Variants in CXCL16 observed in about 807,000 individuals in gnomAD.
The protein encoded by CXCL16 is C-X-C motif chemokine 16.
In CXCL16, 18 loss-of-function variants were observed where a neutral mutation model predicts 23.8. The observed-to-expected ratio is 0.76, with a 90% CI of 0.52 to 1.12. CXCL16 has a LOEUF of 1.12. CXCL16 is among the 50% of genes most tolerant of loss of function. CXCL16 has a pLI of 0.00. For missense variants in CXCL16, 297 were observed against 315.4 expected (o/e 0.94, Z 0.44); for synonymous variants, 123 against 132.5 (o/e 0.93, Z 0.49).
Position 4,739,058 on chromosome 17 carries a change from C to A in CXCL16, c.80-138G>T, listed in dbSNP as rs1217119377. ...AGAGCGCCAGGCTCAACCCACACAT[C>A]ATCACGCCCCCGACAACATCCATAA... On this transcript the variant is annotated intron_variant, in intron 1 of 5. Coordinates refer to ENST00000293778, the MANE Select transcript of CXCL16 (RefSeq NM_001386809.1). The surrounding 1 kb of genome is among the most constrained non-coding windows in gnomAD (Gnocchi z 5.3). 6.8e-5 allele frequency: 83 copies of A among 1,213,914 alleles called. No individual in the cohort carries two copies. The highest frequency in any genetic ancestry group is 8.6e-5 in the Non-Finnish European group (76 of 879,102). 75.2% of individuals were successfully genotyped at this position (1,213,914 alleles called of 1,614,324 possible).
rs372640806 is a variant in CXCL16, at chr17:4,735,191, G to T, written c.619C>A (p.Pro207Thr). Residue 207 changes from proline (P) to threonine (T), a missense_variant, in exon 4 of 6, where the codon CCA (proline) becomes ACA (threonine). Pro to Thr is a conservative substitution (Grantham distance 38). Coordinates refer to ENST00000293778, the MANE Select transcript of CXCL16 (RefSeq NM_001386809.1). ...ATGATGGCCAGGAGGCACAGGACTGGCACTGTGGCTGATGTCCTGGCTGTG... is the reference window on the plus strand; with the variant it reads ...ATGATGGCCAGGAGGCACAGGACTGTCACTGTGGCTGATGTCCTGGCTGTG... The part of the protein sequence containing the change: ...GPTARTSATV[P>T]VLCLLAIIFI... 5 of 1,614,146 alleles carry T rather than the reference G, an allele frequency of 3.1e-6. No individual in the cohort carries two copies. The highest frequency in any genetic ancestry group is 4.2e-6 in the Non-Finnish European group (5 of 1,180,006).
At position 4,739,875 on chromosome 17, in the gene CXCL16, T is replaced by G. The variant is rs1597501701; in HGVS notation, c.-536A>C. On this transcript the variant is annotated 5_prime_UTR_variant, in exon 1 of 6. Coordinates refer to ENST00000293778, the MANE Select transcript of CXCL16 (RefSeq NM_001386809.1). The surrounding 1 kb of genome is among the most constrained non-coding windows in gnomAD (Gnocchi z 5.3). ...CTCCCGGGCGGCCCGGTGGAGAGAG[T>G]CGCCGCCAGCCCCGGCCGCGCGCAC... 3 of 985,070 alleles carry G rather than the reference T, an allele frequency of 3.0e-6. No individual in the cohort carries two copies. Among genetic ancestry groups the G allele is most frequent in the South Asian group, 9.4e-5 (2 of 21,340 alleles). 61.0% of individuals were successfully genotyped at this position (985,070 alleles called of 1,614,324 possible). A position where few individuals can be genotyped will look rare whatever the true frequency, so the allele number is the denominator to read the frequency against.
intron 3 of CXCL16, among the ~76,000 whole-genome samples, chr17:4,736,797 C>G (rs537327271): frequency 6.6e-6 from 1 of 152,242 alleles, no homozygotes; most frequent in East Asian, 1.9e-4. Flanking sequence ...AAACTTGTGA[C>G]TTCACAGATA....
Position 4,738,630 on chromosome 17 carries a change from G to C in CXCL16, c.219-140C>G. The C allele has an allele frequency of 1.0e-6, 1 of 1,004,806 alleles. No homozygotes were observed. The highest frequency in any genetic ancestry group is 1.5e-5 in the South Asian group (1 of 64,544). The allele number at this position is 1,004,806 out of a possible 1,614,324, so 62.2% of individuals were successfully genotyped here. A position where few individuals can be genotyped will look rare whatever the true frequency, so the allele number is the denominator to read the frequency against. ...GAAACTCCCCAGTAGGTGAGACGGA[G>C]TCATGAAGTTTCGGGGAATGAGAGC... On this transcript the variant is annotated intron_variant, in intron 2 of 5. Transcript: ENST00000293778. This position sits in a 1 kb window ranked among gnomAD's most constrained non-coding sequence, Gnocchi z 4.0.
chr17:4,739,377 T>G lies in CXCL16; in HGVS notation c.-38A>C. On this transcript the variant is annotated 5_prime_UTR_variant, in exon 1 of 6. Transcript: ENST00000293778. This position sits in a 1 kb window ranked among gnomAD's most constrained non-coding sequence, Gnocchi z 5.3. ...CGGACTCTGCGGGGATGGAGCCACCTCGCTCTGACTCCCAGACATGCTCCG... is the reference window on the plus strand; with the variant it reads ...CGGACTCTGCGGGGATGGAGCCACCGCGCTCTGACTCCCAGACATGCTCCG... 6.2e-7 allele frequency: 1 copy of G among 1,612,452 alleles called. No homozygotes were observed. The highest frequency in any genetic ancestry group is 2.2e-5 in the East Asian group (1 of 44,806).
chr17:4,739,392 G>A lies in CXCL16; in HGVS notation c.-53C>T. Reference sequence around the variant, plus strand: ...TGGAGCCACCTCGCTCTGACTCCCAGACATGCTCCGGCGCGTGACGTCCAG... The same window carrying A: ...TGGAGCCACCTCGCTCTGACTCCCAAACATGCTCCGGCGCGTGACGTCCAG... On this transcript the variant is annotated 5_prime_UTR_variant, in exon 1 of 6. Coordinates refer to ENST00000293778, the MANE Select transcript of CXCL16 (RefSeq NM_001386809.1). This position sits in a 1 kb window ranked among gnomAD's most constrained non-coding sequence, Gnocchi z 5.3. 1.2e-6 allele frequency: 2 copies of A among 1,611,600 alleles called. No individual in the cohort carries two copies. The highest frequency in any genetic ancestry group is 1.7e-6 in the Non-Finnish European group (2 of 1,179,586).
chr17:4,738,314 G>T lies in CXCL16; in HGVS notation c.301+94C>A. 1 of 942,442 alleles carries T rather than the reference G, an allele frequency of 1.1e-6. No homozygotes were observed. The highest frequency in any genetic ancestry group is 2.0e-5 in the Admixed American group (1 of 50,916). 58.4% of individuals were successfully genotyped at this position (942,442 alleles called of 1,614,324 possible). A position where few individuals can be genotyped will look rare whatever the true frequency, so the allele number is the denominator to read the frequency against. On this transcript the variant is annotated intron_variant, in intron 3 of 5. Coordinates refer to ENST00000293778, the MANE Select transcript of CXCL16 (RefSeq NM_001386809.1). The surrounding 1 kb of genome is among the most constrained non-coding windows in gnomAD (Gnocchi z 4.0). ...TCAGAAGAAGGTTCTAGGAATGTGCGGCCCCAGGGGAAAAGGCTCAGGTAA... is the reference window on the plus strand; with the variant it reads ...TCAGAAGAAGGTTCTAGGAATGTGCTGCCCCAGGGGAAAAGGCTCAGGTAA...
In CXCL16 at chr17:4,738,666, C is replaced by G; in HGVS notation, c.218+116G>C. 8.4e-7 allele frequency: 1 copy of G among 1,194,702 alleles called. No individual in the cohort carries two copies. The allele number at this position is 1,194,702 out of a possible 1,614,324, so 74.0% of individuals were successfully genotyped here. ...TCGGGGAATGAGAGCAAACGGAACC[C>G]GGAGATGGGGCTCGGTGAGCCGGGA... On this transcript the variant is annotated intron_variant, in intron 2 of 5. Transcript: ENST00000293778. The surrounding 1 kb of genome is among the most constrained non-coding windows in gnomAD (Gnocchi z 4.0).
Position 4,735,458 on chromosome 17 carries a change from G to A in CXCL16, c.352C>T (p.Pro118Ser), listed in dbSNP as rs1916128187. ...GIVAHQKHLL[P>S]TSPPISQASE... ...GCCTGAGAAATTGGGGGGCTGGTAG[G>A]AAGTAAATGCTTCTGGTGGGCCACA... Residue 118 changes from proline to serine, a missense_variant, in exon 4 of 6, where the codon CCT becomes TCT. Pro to Ser is a moderately conservative substitution (Grantham distance 74, BLOSUM62 -1). Transcript: ENST00000293778. The A allele has an allele frequency of 6.6e-7, 1 of 1,511,550 alleles. No individual in the cohort carries two copies. The highest frequency in any genetic ancestry group is 1.4e-5 in the African/African-American group (1 of 71,704). 93.6% of individuals were successfully genotyped at this position (1,511,550 alleles called of 1,614,324 possible). A position where few individuals can be genotyped will look rare whatever the true frequency, so the allele number is the denominator to read the frequency against.
chr17:4,738,784 C>A lies in CXCL16; in HGVS notation c.216G>T (p.Thr72=), dbSNP rs1263458010. ...LRAYHRCLYY[T]RFQLLSWSVC... Reference sequence around the variant, plus strand: ...CTCGCAGAGGCAGGTAAAATTACCTCGTGTAGTATAGACACCGATGGTAAG... The same window carrying A: ...CTCGCAGAGGCAGGTAAAATTACCTAGTGTAGTATAGACACCGATGGTAAG... The change falls in exon 2 of 6, where the codon ACG becomes ACT. Residue 72 remains threonine, a splice_region_variant and synonymous_variant. Coordinates refer to ENST00000293778, the MANE Select transcript of CXCL16 (RefSeq NM_001386809.1). This position sits in a 1 kb window ranked among gnomAD's most constrained non-coding sequence, Gnocchi z 4.0. 9.9e-6 allele frequency: 16 copies of A among 1,613,568 alleles called. No homozygotes were observed. The highest frequency in any genetic ancestry group is 1.3e-5 in the Non-Finnish European group (15 of 1,179,856).
intron 4 of CXCL16, among the ~76,000 whole-genome samples, 181 bp from the exon 5 acceptor site, chr17:4,734,833 C>G (rs1372106399): frequency 6.6e-6 from 1 of 152,220 alleles, no homozygotes; most frequent in African/African-American, 2.4e-5. Flanking sequence ...AGCTTCATCT[C>G]CCACTAGCTT....
At chr17:4,736,607 A>C (rs1252681314) in intron 3 of CXCL16, among the ~76,000 whole-genome samples, 2 of 152,134 alleles carry the variant, frequency 1.3e-5, no homozygotes, top group Non-Finnish European at 2.9e-5. Flanking sequence ...AAATGAGGAT[A>C]ATTGTAGTAC....
At position 4,734,411 on chromosome 17, in the gene CXCL16, A is replaced by C; in HGVS notation, c.*92T>G. On this transcript the variant is annotated 3_prime_UTR_variant, in exon 6 of 6. Coordinates refer to ENST00000293778, the MANE Select transcript of CXCL16 (RefSeq NM_001386809.1). ...TGACGCCTATAATCCTCGCACCTTCAGAGGCCAAGGTGGGAGGATCACTTG... is the reference window on the plus strand; with the variant it reads ...TGACGCCTATAATCCTCGCACCTTCCGAGGCCAAGGTGGGAGGATCACTTG... 1 of 501,462 alleles carries C rather than the reference A, an allele frequency of 2.0e-6. No individual in the cohort carries two copies. The allele number at this position is 501,462 out of a possible 1,614,324, so 31.1% of individuals were successfully genotyped here.
intron 4 of CXCL16, 109 bp from the exon 5 acceptor site, chr17:4,734,761 GC>G: frequency 1.1e-6 from 1 of 946,062 alleles, no homozygotes; most frequent in Non-Finnish European, 1.7e-6. Context: ...CTATGACCTG[GC>G]CCACAGTAGG....
intron 3 of CXCL16, among the ~76,000 whole-genome samples, chr17:4,736,573 C>T (rs577974538): frequency 2.0e-5 from 3 of 152,172 alleles, no homozygotes; most frequent in African/African-American, 4.8e-5. Context: ...CTAACCTCTC[C>T]GGAAGTGATA....
chr17:4,734,634 A>G lies in CXCL16; in HGVS notation c.737T>C (p.Ile246Thr). 1 of 1,612,162 alleles carries G rather than the reference A, an allele frequency of 6.2e-7. No homozygotes were observed. Among genetic ancestry groups the G allele is most frequent in the Non-Finnish European group, 8.5e-7 (1 of 1,178,266 alleles). Residue 246 changes from isoleucine to threonine, a missense_variant, in exon 5 of 6, where the codon ATA becomes ACA. By Grantham distance (89) the Ile-to-Thr change is moderately conservative. Transcript: ENST00000293778. Reference protein sequence around the residue: ...QSSPDLPVHYIPVAPDSNT With the variant: ...QSSPDLPVHYTPVAPDSNT ...GGTATTAGAGTCAGGTGCCACAGGTATATAATGAACCGGCAGATCTGGAAA... is the reference window on the plus strand; with the variant it reads ...GGTATTAGAGTCAGGTGCCACAGGTGTATAATGAACCGGCAGATCTGGAAA...
chr17:4,739,501 G>T lies in CXCL16; in HGVS notation c.-162C>A. The T allele has an allele frequency of 9.6e-7, 1 of 1,037,896 alleles. No individual in the cohort carries two copies. The highest frequency in any genetic ancestry group is 1.4e-6 in the Non-Finnish European group (1 of 709,514). 64.3% of individuals were successfully genotyped at this position (1,037,896 alleles called of 1,614,324 possible). ...CGAGCCAGCTGCACCCCCCGGCCCT[G>T]CTGTGCCCCGACCGTGCGCTCAGTA... On this transcript the variant is annotated 5_prime_UTR_variant, in exon 1 of 6. Coordinates refer to ENST00000293778, the MANE Select transcript of CXCL16 (RefSeq NM_001386809.1). This position sits in a 1 kb window ranked among gnomAD's most constrained non-coding sequence, Gnocchi z 5.3.
In CXCL16 at chr17:4,735,260, C is replaced by G. The variant is rs1484302305; in HGVS notation, c.550G>C (p.Glu184Gln). 1 of 1,614,020 alleles carries G rather than the reference C, an allele frequency of 6.2e-7. No individual in the cohort carries two copies. Among genetic ancestry groups the G allele is most frequent in the African/African-American group, 1.3e-5 (1 of 74,900 alleles). Reference sequence around the variant, plus strand: ...GGCTGCTTCTGGTTCTCCCCAGCCTCAGGCCCAGCTGCCAGACTGTGGCCC... The same window carrying G: ...GGCTGCTTCTGGTTCTCCCCAGCCTGAGGCCCAGCTGCCAGACTGTGGCCC... The part of the protein sequence containing the change: ...TAGHSLAAGP[E>Q]AGENQKQPEK... Residue 184 changes from glutamate (E) to glutamine (Q), a missense_variant, in exon 4 of 6, where the codon GAG becomes CAG. Coordinates refer to ENST00000293778, the MANE Select transcript of CXCL16 (RefSeq NM_001386809.1).
In CXCL16 at chr17:4,734,454, C is replaced by G; in HGVS notation, c.*49G>C. The G allele has an allele frequency of 3.5e-6, 2 of 578,020 alleles. No homozygotes were observed. The highest frequency in any genetic ancestry group is 3.6e-5 in the South Asian group (2 of 54,912). 35.8% of individuals were successfully genotyped at this position (578,020 alleles called of 1,614,324 possible). On this transcript the variant is annotated 3_prime_UTR_variant, in exon 6 of 6. Coordinates refer to ENST00000293778, the MANE Select transcript of CXCL16 (RefSeq NM_001386809.1). ...ATCACTTGACTCAGGAGTTCCATAACAGCCTGGGCAACATAGAGTCCGTCT... is the reference window on the plus strand; with the variant it reads ...ATCACTTGACTCAGGAGTTCCATAAGAGCCTGGGCAACATAGAGTCCGTCT...
Sources: allele counts gnomAD v4.1 joint callset (sites outside exome capture counted in the v4.1 genomes callset), GRCh38; gene constraint gnomAD v4.1.1; non-coding constraint Gnocchi (gnomAD v3.1); transcripts MANE v1.5; gene names NCBI Gene and HGNC (gene_info 2026-07-23, HGNC 2026-07-21).